SERPINI1: variants seen among roughly 807,000 people sequenced by gnomAD.
The protein encoded by SERPINI1 is serpin family I member 1.
A neutral mutation model predicts 41.1 loss-of-function variants in SERPINI1; 19 were observed. The observed-to-expected ratio is 0.46, with a 90% CI of 0.32 to 0.68. SERPINI1 has a LOEUF of 0.68. SERPINI1 is among the 30% of genes least tolerant of loss of function. SERPINI1 has a pLI of 0.03. For synonymous variants in SERPINI1, 138 were observed against 156.6 expected, an observed-to-expected ratio of 0.88 and a Z score of 0.89; for missense variants, 460 against 479.2, an observed-to-expected ratio of 0.96 and a Z score of 0.37.
In SERPINI1 at chr3:167,822,988, A is replaced by C. The variant is rs997668232; in HGVS notation, c.982A>C (p.Asn328His). ...AATTTCTGATTCTCTTTTTGCAGAT[A>C]ATAAGGAGATTTTTCTTTCCAAAGC... ...KDANLTGLSDNKEIFLSKAIH... is the reference protein window; with the variant it reads ...KDANLTGLSDHKEIFLSKAIH... The change falls in exon 7 of 9, where the codon AAT (asparagine) becomes CAT (histidine). Residue 328 changes from asparagine (N) to histidine (H), a missense_variant and splice_region_variant. By Grantham distance (68) the Asn-to-His change is moderately conservative. Coordinates refer to ENST00000446050, the MANE Select transcript of SERPINI1 (RefSeq NM_001122752.2). 2 of 1,586,880 alleles carry C rather than the reference A, an allele frequency of 1.3e-6. No homozygotes were observed. Among genetic ancestry groups the C allele is most frequent in the African/African-American group, 1.3e-5 (1 of 74,346 alleles).
At chr3:167,793,591 TA>T (rs1727599855) in intron 4 of SERPINI1, among the ~76,000 whole-genome samples, 2 of 109,230 alleles carry the variant, frequency 1.8e-5, no homozygotes, top group African/African-American at 8.5e-5. Context: ...TATATATATA[TA>T]TATATTTTTA....
Position 167,745,409 on chromosome 3 carries a change from AC to A in SERPINI1, c.-19+9587del, listed in dbSNP as rs1177026642. Among the ~76,000 whole-genome samples, 3 of 152,056 alleles carry A rather than the reference AC, an allele frequency of 2.0e-5. No individual in the cohort carries two copies. In the East Asian group the frequency reaches 5.8e-4, roughly 29 times the overall value. On this transcript the variant is annotated intron_variant, in intron 1 of 8. Coordinates refer to ENST00000446050, the MANE Select transcript of SERPINI1 (RefSeq NM_001122752.2). ...CTAGGAGTAAAAAGAAACTTCCTCC[AC>A]GGGGTAAGTACATCTACAGAAAACA...
chr3:167,749,737 C>G (rs1725984668), intron 1 of SERPINI1, among the ~76,000 whole-genome samples: 2 of 152,134 alleles, frequency 1.3e-5, no homozygotes. Flanking sequence ...AGCCTTTATG[C>G]AGAACCTGTT....
At chr3:167,824,115 CCCTT>C (rs1405787632) in intron 7 of SERPINI1, among the ~76,000 whole-genome samples, 1 of 152,064 alleles carries the variant, frequency 6.6e-6, no homozygotes, top group Non-Finnish European at 1.5e-5. Flanking sequence ...TTTATTCTCC[CCCTT>C]CCTTTTACTC....
chr3:167,759,426 C>G (rs907779367), intron 1 of SERPINI1, among the ~76,000 whole-genome samples: 1 of 94,372 alleles, frequency 1.1e-5, no homozygotes, highest in Admixed American at 9.9e-5. Flanking sequence ...ATATATGCGC[C>G]ATGCAGTACT....
Position 167,807,251 on chromosome 3 carries a change from G to A in SERPINI1, c.889G>A (p.Val297Met). The change falls in exon 6 of 9, where the codon GTG becomes ATG. Residue 297 changes from valine to methionine, a missense_variant. Val to Met is a conservative substitution (Grantham distance 21). Coordinates refer to ENST00000446050, the MANE Select transcript of SERPINI1 (RefSeq NM_001122752.2). ...KVEVYLPRFT[V>M]EQEIDLKDVL... ...TCCCTATGTGTTCTCCAGGTTCACA[G>A]TGGAACAGGAAATTGATTTAAAAGA... The A allele has an allele frequency of 2.5e-6, 4 of 1,610,374 alleles. No homozygotes were observed. Among genetic ancestry groups the A allele is most frequent in the Non-Finnish European group, 3.4e-6 (4 of 1,176,964 alleles).
Position 167,792,692 on chromosome 3 carries a change from G to T in SERPINI1, c.584G>T (p.Arg195Met). ...AAGGGGAACTGGAAGTCGCAGTTTA[G>T]GCCTGAAAATACTAGAACCTTTTCT... ...YFKGNWKSQF[R>M]PENTRTFSFT... Residue 195 changes from arginine to methionine, a missense_variant, in exon 4 of 9, where the codon AGG (arginine) becomes ATG (methionine). Physicochemically the swap from Arg to Met is moderately conservative, Grantham distance 91 (BLOSUM62 -1). Transcript: ENST00000446050. 1 of 1,613,788 alleles carries T rather than the reference G, an allele frequency of 6.2e-7. No homozygotes were observed. The highest frequency in any genetic ancestry group is 8.5e-7 in the Non-Finnish European group (1 of 1,179,896).
intron 1 of SERPINI1, among the ~76,000 whole-genome samples, chr3:167,787,394 C>T (rs1202937729): frequency 6.6e-6 from 1 of 152,222 alleles, no homozygotes; most frequent in Non-Finnish European, 1.5e-5. Flanking sequence ...TTTTATACAA[C>T]TTGCAGTACA....
At chr3:167,742,797 T>A (rs1725721408) in intron 1 of SERPINI1, among the ~76,000 whole-genome samples, 1 of 151,620 alleles carries the variant, frequency 6.6e-6, no homozygotes, top group Non-Finnish European at 1.5e-5. Flanking sequence ...TTCTTCTCAT[T>A]GTTATCAATT....
chr3:167,793,575 A>AATATATATAT (rs1198926852), intron 4 of SERPINI1, among the ~76,000 whole-genome samples: 6 of 134,164 alleles, frequency 4.5e-5, no homozygotes, highest in African/African-American at 6.0e-5. Flanking sequence ...TTTCTCTACA[A>AATATATATAT]ATATATATAT....
intron 5 of SERPINI1, among the ~76,000 whole-genome samples, chr3:167,799,450 C>A (rs971125161): frequency 1.3e-5 from 2 of 152,164 alleles, no homozygotes; most frequent in African/African-American, 4.8e-5. Flanking sequence ...CACTGATGGA[C>A]ATTTGGGTTG....
chr3:167,752,349 CT>C lies in SERPINI1; in HGVS notation c.-19+16527del, dbSNP rs1416941257. ...TATCCAAAGCAAAATTCATGATCCC[CT>C]ATCTCACCCCTCTCTGCTTTTGTTC... On this transcript the variant is annotated intron_variant, in intron 1 of 8. Coordinates refer to ENST00000446050, the MANE Select transcript of SERPINI1 (RefSeq NM_001122752.2). Among the ~76,000 whole-genome samples, 4 of 152,112 alleles carry C rather than the reference CT, an allele frequency of 2.6e-5. No homozygotes were observed. The East Asian group carries it at 7.7e-4, about 29-fold the overall frequency.
At chr3:167,803,587 G>A (rs1711521967) in intron 5 of SERPINI1, among the ~76,000 whole-genome samples, 1 of 152,048 alleles carries the variant, frequency 6.6e-6, no homozygotes, top group African/African-American at 2.4e-5. Flanking sequence ...CCATTTTCCT[G>A]TGCCAAAACT....
chr3:167,817,074 G>GT lies in SERPINI1; in HGVS notation c.980-5911dup, dbSNP rs373503854. On this transcript the variant is annotated intron_variant, in intron 6 of 8. Transcript: ENST00000446050. ...CAGGAGAGGGGATAAAATGTTTTAA[G>GT]TGGAGTAGTGGCATAATTTGATTTG... is the stretch of plus-strand genomic sequence containing the variant. Among the ~76,000 whole-genome samples, 3 of 152,116 alleles carry GT rather than the reference G, an allele frequency of 2.0e-5. No individual in the cohort carries two copies. In the East Asian group the frequency reaches 5.8e-4, roughly 30 times the overall value.
intron 5 of SERPINI1, among the ~76,000 whole-genome samples, chr3:167,804,075 T>G (rs1416515504): frequency 6.6e-6 from 1 of 152,210 alleles, no homozygotes; most frequent in Non-Finnish European, 1.5e-5. Context: ...CTGTATTTTC[T>G]TACTCATTCC....
intron 6 of SERPINI1, among the ~76,000 whole-genome samples, chr3:167,813,269 C>A (rs1475705374): frequency 1.3e-5 from 2 of 152,224 alleles, no homozygotes; most frequent in African/African-American, 4.8e-5. Flanking sequence ...CTGCCCCCAG[C>A]TGTTTGCTTA....
At chr3:167,782,065 T>C (rs1207607735) in intron 1 of SERPINI1, among the ~76,000 whole-genome samples, 2 of 152,208 alleles carry the variant, frequency 1.3e-5, no homozygotes, top group Non-Finnish European at 2.9e-5. Flanking sequence ...TCTACTACCA[T>C]AGCACTGTCT....
At chr3:167,753,280 A>G (rs1726099291) in intron 1 of SERPINI1, among the ~76,000 whole-genome samples, 1 of 152,008 alleles carries the variant, frequency 6.6e-6, no homozygotes, top group Non-Finnish European at 1.5e-5. Flanking sequence ...CAAAGCAGTT[A>G]TTTTGTCTAT....
At chr3:167,780,999 T>G (rs1030253889) in intron 1 of SERPINI1, among the ~76,000 whole-genome samples, 3 of 152,142 alleles carry the variant, frequency 2.0e-5, no homozygotes, top group Admixed American at 6.6e-5. Flanking sequence ...ATTATAAGAT[T>G]TATTAGAATT....
Sources: allele counts gnomAD v4.1 joint callset (sites outside exome capture counted in the v4.1 genomes callset), GRCh38; gene constraint gnomAD v4.1.1; transcripts MANE v1.5; gene names NCBI Gene and HGNC (gene_info 2026-07-23, HGNC 2026-07-21).